The following SPTBN1 variants were observed in gnomAD, a reference collection of about 807,000 sequenced individuals.
The protein encoded by SPTBN1 is spectrin beta chain, non-erythrocytic 1.
Under a neutral mutation model 266.4 loss-of-function variants are expected in SPTBN1, and 32 were observed. The ratio of observed to expected loss-of-function variants is 0.12; its 90% confidence interval spans 0.09 to 0.16. SPTBN1 has a LOEUF of 0.16. Ranked by LOEUF, SPTBN1 falls within the 10% of genes least tolerant of loss-of-function variation. The pLI is 1.00. For missense variants in SPTBN1, 2,296 were observed against 3,067.1 expected (o/e 0.75, Z 5.94); for synonymous variants, 1,336 against 1,162.2 (o/e 1.15, Z -3.04).
intron 8 of SPTBN1, 68 bp downstream of exon 8, chr2:54,621,580 G>A: frequency 2.2e-6 from 3 of 1,342,016 alleles, no homozygotes; most frequent in Non-Finnish European, 2.1e-6. Flanking sequence ...ATTCTCCCAT[G>A]CACTCATAAA....
chr2:54,578,001 C>G lies in SPTBN1; in HGVS notation c.149-21091C>G, dbSNP rs74714281. Among the ~76,000 whole-genome samples, 1,194 of 152,250 alleles carry G rather than the reference C, an allele frequency of 7.8e-3. 13 individuals carry two copies. Among genetic ancestry groups the G allele is most frequent in the South Asian group, 0.064 (308 of 4,818 alleles). ...AATGCCATGTAAAATTCAAGCCTTG[C>G]CTTATCTTGGAGGACTTTATTCCCT... On this transcript the variant is annotated intron_variant, in intron 2 of 35. Coordinates refer to ENST00000356805, the MANE Select transcript of SPTBN1 (RefSeq NM_003128.3).
Position 54,668,382 on chromosome 2 carries a change from C to G in SPTBN1, c.6908C>G (p.Ser2303Cys). 1.2e-6 allele frequency: 2 copies of G among 1,614,190 alleles called. No individual in the cohort carries two copies. Among genetic ancestry groups the G allele is most frequent in the Non-Finnish European group, 1.7e-6 (2 of 1,180,020 alleles). Residue 2303 changes from serine to cysteine, a missense_variant, in exon 36 of 36, where the codon TCT becomes TGT. This residue lies in a region of SPTBN1 where 347 missense variants were observed against 368.5 expected (regional missense o/e 0.94). Coordinates refer to ENST00000356805, the MANE Select transcript of SPTBN1 (RefSeq NM_003128.3). ...EEMNTWIQAI[S>C]SAISSDKHEV... is the part of the protein sequence containing the mutation. ...ATGAACACATGGATCCAGGCTATCT[C>G]TTCCGCCATCTCCTCTGATAAACAC...
At chr2:54,640,270 T>G (rs1679436873) in intron 18 of SPTBN1, among the ~76,000 whole-genome samples, 1 of 152,172 alleles carries the variant, frequency 6.6e-6, no homozygotes, top group Admixed American at 6.5e-5. Context: ...GAGGTCAAAT[T>G]TAATACTATT....
chr2:54,640,447 A>AATACAGTATGCTGGCAT (rs1340014459), intron 18 of SPTBN1, among the ~76,000 whole-genome samples: 3 of 152,204 alleles, frequency 2.0e-5, no homozygotes, highest in Non-Finnish European at 2.9e-5. Context: ...TTGTACCAGC[A>AATACAGTATGCTGGCAT]ATACAGTATG....
chr2:54,458,933 TA>T (rs955368024), intron 1 of SPTBN1, among the ~76,000 whole-genome samples: 24 of 152,358 alleles, frequency 1.6e-4, no homozygotes, highest in African/African-American at 3.8e-4. Flanking sequence ...GAACTGCATG[TA>T]CATTGTGTGG....
chr2:54,665,240 AC>A (rs1439821587), intron 33 of SPTBN1, among the ~76,000 whole-genome samples: 2 of 152,232 alleles, frequency 1.3e-5, no homozygotes, highest in African/African-American at 2.4e-5. Context: ...ACCACCTGGG[AC>A]CACCATATCT....
At chr2:54,489,178 A>C (rs149544453) in intron 1 of SPTBN1, among the ~76,000 whole-genome samples, 4,288 of 145,074 alleles carry the variant, frequency 0.03, 218 homozygotes, top group African/African-American at 0.1. Flanking sequence ...AAAAAAAACC[A>C]GGCATGGTGG....
intron 3 of SPTBN1, among the ~76,000 whole-genome samples, chr2:54,601,939 G>C (rs545174295): frequency 6.6e-6 from 1 of 152,220 alleles, no homozygotes; most frequent in South Asian, 2.1e-4. Context: ...TATCATGTAG[G>C]CATTTGGGAA....
chr2:54,655,428 C>T (rs1680586400), intron 28 of SPTBN1, among the ~76,000 whole-genome samples: 1 of 152,168 alleles, frequency 6.6e-6, no homozygotes. Context: ...TTGAGGGCTA[C>T]AAAATGGACT....
intron 2 of SPTBN1, among the ~76,000 whole-genome samples, chr2:54,594,833 C>CTTTTTTTTTTTTGTTTTTTTTTT (rs1675950052): frequency 9.5e-6 from 1 of 104,716 alleles, no homozygotes; most frequent in African/African-American, 5.1e-5. Context: ...TGGTAAGTTT[C>CTTTTTTTTTTTTGTTTTTTTTTT]TTTTTTTTTT....
At chr2:54,663,890 C>T (rs1156661012) in intron 32 of SPTBN1, 1 of 152,188 alleles carries the variant, frequency 6.6e-6, no homozygotes, top group Admixed American at 6.5e-5. Flanking sequence ...GTCCTAATTT[C>T]TGCATGTGTT....
intron 3 of SPTBN1, among the ~76,000 whole-genome samples, chr2:54,599,488 A>C (rs1223379343): frequency 6.6e-6 from 1 of 152,190 alleles, no homozygotes; most frequent in Non-Finnish European, 1.5e-5. Flanking sequence ...TTTGGTCAGA[A>C]AGAACTTGGC....
At chr2:54,545,168 A>G (rs570071568) in intron 2 of SPTBN1, among the ~76,000 whole-genome samples, 43 of 152,256 alleles carry the variant, frequency 2.8e-4, no homozygotes, top group South Asian at 4.1e-4. Flanking sequence ...TCTTTATCCA[A>G]TGTATCATTA....
At chr2:54,561,742 T>C (rs1380944455) in intron 2 of SPTBN1, among the ~76,000 whole-genome samples, 1 of 148,426 alleles carries the variant, frequency 6.7e-6, no homozygotes, top group African/African-American at 2.4e-5. Flanking sequence ...AATCGAGTTA[T>C]ATATTTATAT....
intron 17 of SPTBN1, among the ~76,000 whole-genome samples, chr2:54,637,409 A>G (rs539954299): frequency 2.1e-4 from 32 of 152,336 alleles, no homozygotes; most frequent in African/African-American, 7.2e-4. Context: ...GGACTTGTAC[A>G]AAGCGTGTGC....
chr2:54,563,459 T>C (rs1406418588), intron 2 of SPTBN1, among the ~76,000 whole-genome samples: 3 of 152,122 alleles, frequency 2.0e-5, no homozygotes, highest in African/African-American at 7.2e-5. Context: ...GAATTTCAGG[T>C]CATGAAATGC....
At chr2:54,556,661 A>C (rs536309299) in intron 2 of SPTBN1, among the ~76,000 whole-genome samples, 5 of 142,222 alleles carry the variant, frequency 3.5e-5, no homozygotes, top group South Asian at 2.3e-4. Flanking sequence ...CTTCTCTTGT[A>C]GTCTTGATGT....
intron 1 of SPTBN1, among the ~76,000 whole-genome samples, chr2:54,475,423 T>A (rs767827640): frequency 2.0e-5 from 3 of 152,158 alleles, no homozygotes; most frequent in African/African-American, 7.2e-5. Context: ...CTTTTAATGA[T>A]GACAGATATG....
At chr2:54,457,065 G>C (rs966870519) in intron 1 of SPTBN1, among the ~76,000 whole-genome samples, 2 of 151,604 alleles carry the variant, frequency 1.3e-5, no homozygotes, top group East Asian at 2.0e-4. Flanking sequence ...GCGTGGTCCC[G>C]GCTGCGCCGC....
Sources: allele counts gnomAD v4.1 joint callset (sites outside exome capture counted in the v4.1 genomes callset), GRCh38; gene constraint gnomAD v4.1.1; regional missense constraint gnomAD v4.1.1; transcripts MANE v1.5; gene names NCBI Gene and HGNC (gene_info 2026-07-23, HGNC 2026-07-21).